Variants in RFC4 observed in about 807,000 individuals in gnomAD.
RFC4 encodes replication factor C subunit 4, also known as A1 37 kDa subunit.
RFC4 carries 38 observed loss-of-function variants against 47.6 expected under a neutral mutation model. That is an observed-to-expected ratio of 0.80 (90% CI 0.62 to 1.05). RFC4 has a LOEUF of 1.05. Ranked by LOEUF, RFC4 falls within the 50% of genes least tolerant of loss-of-function variation. The pLI, the probability that RFC4 is intolerant of heterozygous loss-of-function variation, is 0.00. For missense variants in RFC4, 489 were observed against 434.0 expected, an observed-to-expected ratio of 1.13 and a Z score of -1.13; for synonymous variants, 164 against 150.0, an observed-to-expected ratio of 1.09 and a Z score of -0.68.
rs3082241 is a variant in RFC4, at chr3:186,796,026, TAC to T, written c.291-1251_291-1250del. Among the ~76,000 whole-genome samples the T allele has an allele frequency of 0.048, 7,229 of 149,142 alleles. 196 individuals carry two copies. Among genetic ancestry groups the T allele is most frequent in the South Asian group, 0.083 (392 of 4,714 alleles). On this transcript the variant is annotated intron_variant, in intron 4 of 10. Transcript: ENST00000296273. The surrounding 1 kb of genome is among the most constrained non-coding windows in gnomAD (Gnocchi z 4.2). ...TTTTTGAAACTTCCCTCTAGTCTTTTACACACACACACACACACACACACACA... is the reference window on the plus strand; with the variant it reads ...TTTTTGAAACTTCCCTCTAGTCTTTTACACACACACACACACACACACACA...
intron 4 of RFC4, among the ~76,000 whole-genome samples, chr3:186,795,769 G>C (rs1457046071): frequency 6.6e-6 from 1 of 152,014 alleles, no homozygotes; most frequent in African/African-American, 2.4e-5. Context: ...CTCCAGCCTG[G>C]GCAATAGAGC....
chr3:186,805,032 C>T lies in RFC4; in HGVS notation c.-11-308G>A, dbSNP rs193089316. Among the ~76,000 whole-genome samples, 38 of 152,256 alleles carry T rather than the reference C, an allele frequency of 2.5e-4. 1 individual carries two copies. Among genetic ancestry groups the T allele is most frequent in the Non-Finnish European group, 4.9e-4 (33 of 68,018 alleles). On this transcript the variant is annotated intron_variant, in intron 1 of 10. Transcript: ENST00000296273. ...ATGTCACAAAAATGTTTAATGAGTT[C>T]CAAATGCATTGATAAATATGATGTT...
intron 2 of RFC4, among the ~76,000 whole-genome samples, chr3:186,802,023 CAAAAAAAA>C (rs34264551): frequency 4.3e-5 from 4 of 92,158 alleles, no homozygotes; most frequent in African/African-American, 8.5e-5. Context: ...AACTTTATCT[CAAAAAAAA>C]AAAAAAAAAA....
chr3:186,800,289 AAC>A (rs1244478422), intron 3 of RFC4, among the ~76,000 whole-genome samples: 1 of 152,220 alleles, frequency 6.6e-6, no homozygotes, highest in Non-Finnish European at 1.5e-5. Context: ...GTCAAATCAA[AAC>A]ACATACTGGT....
intron 8 of RFC4, among the ~76,000 whole-genome samples, chr3:186,790,758 T>C (rs1722097624): frequency 6.6e-6 from 1 of 152,220 alleles, no homozygotes; most frequent in African/African-American, 2.4e-5. Flanking sequence ...CTGATTTCTT[T>C]AAAGGGGAAG....
At chr3:186,800,328 T>C (rs550900187) in intron 3 of RFC4, among the ~76,000 whole-genome samples, 1 of 152,352 alleles carries the variant, frequency 6.6e-6, no homozygotes, top group South Asian at 2.1e-4. Context: ...AATAGTTTTA[T>C]AAATTTAACT....
Position 186,792,607 on chromosome 3 carries a change from T to C in RFC4, c.558A>G (p.Ile186Met), listed in dbSNP as rs766519605. 4 of 1,611,254 alleles carry C rather than the reference T, an allele frequency of 2.5e-6. 1 individual carries two copies. The South Asian group carries it at 4.4e-5, about 18-fold the overall frequency. ...AACATCTAGAGGTCAGGGGTTCAATTATTCTGTGGAAGATGAGAAAAACCA... is the reference window on the plus strand; with the variant it reads ...AACATCTAGAGGTCAGGGGTTCAATCATTCTGTGGAAGATGAGAAAAACCA... ...FCLICNYVSR[I>M]IEPLTSRCSK... The change falls in exon 7 of 11, where the codon ATA becomes ATG. Residue 186 changes from isoleucine (I) to methionine (M), a missense_variant. Around this residue, in one of 2 missense-constraint regions of RFC4, gnomAD observed 206 missense variants for 257.8 expected, o/e 0.80. Coordinates refer to ENST00000296273, the MANE Select transcript of RFC4 (RefSeq NM_002916.5).
At chr3:186,800,655 C>T (rs138432084) in intron 3 of RFC4, among the ~76,000 whole-genome samples, 84 of 152,268 alleles carry the variant, frequency 5.5e-4, no homozygotes, top group African/African-American at 2.0e-3. Flanking sequence ...GAATTCAAAG[C>T]TCGATTTTTT....
At chr3:186,798,581 G>A (rs1326951236) in intron 3 of RFC4, among the ~76,000 whole-genome samples, 1 of 151,958 alleles carries the variant, frequency 6.6e-6, no homozygotes, top group East Asian at 1.9e-4. Flanking sequence ...ATGGCCTAAA[G>A]GACTTCCATG....
At chr3:186,794,033 T>C (rs1722195388) in intron 5 of RFC4, among the ~76,000 whole-genome samples, 1 of 152,214 alleles carries the variant, frequency 6.6e-6, no homozygotes, top group Admixed American at 6.5e-5. Context: ...TTGCCCATTT[T>C]TTAATTGGGT....
rs1202677907 is a variant in RFC4 at position 186,801,189 on chromosome 3, T to C, written c.138A>G (p.Pro46=). The C allele has an allele frequency of 3.7e-6, 6 of 1,613,962 alleles. No individual in the cohort carries two copies. Among genetic ancestry groups the C allele is most frequent in the Non-Finnish European group, 5.1e-6 (6 of 1,179,936 alleles). Residue 46 remains proline (P), a synonymous_variant, in exon 3 of 11, where the codon CCA becomes CCG. Transcript: ENST00000296273. ...KPVPWVEKYR[P]KCVDEVAFQE... ...GGAAAGCAACTTCATCCACACATTT[T>C]GGGCGACTTGCGGGGTGAGAAGGAG...
At chr3:186,802,685 A>G (rs1412861089) in intron 2 of RFC4, among the ~76,000 whole-genome samples, 2 of 152,148 alleles carry the variant, frequency 1.3e-5, no homozygotes, top group Admixed American at 6.5e-5. Context: ...AAGTTCTTTG[A>G]TCCATACTTT....
intron 2 of RFC4, among the ~76,000 whole-genome samples, chr3:186,803,172 G>T (rs1371846415): frequency 1.3e-5 from 2 of 152,040 alleles, no homozygotes; most frequent in Admixed American, 6.6e-5. Flanking sequence ...ATGAAACCTT[G>T]TCTCTATTAA....
intron 4 of RFC4, among the ~76,000 whole-genome samples, chr3:186,795,343 T>G (rs189640500): frequency 6.6e-6 from 1 of 152,370 alleles, no homozygotes; most frequent in Non-Finnish European, 1.5e-5. Context: ...AATAAGTATC[T>G]TGGCATATTA....
At chr3:186,791,544 A>G (rs1722135922) in intron 8 of RFC4, 181 bp downstream of exon 8, 1 of 640,498 alleles carries the variant, frequency 1.6e-6, no homozygotes, top group Admixed American at 2.5e-5. Flanking sequence ...CATGCCTGAC[A>G]AACTGAAAAG....
chr3:186,800,975 A>ATCATTGT (rs1477194528), intron 3 of RFC4, 142 bp downstream of exon 3: 1 of 613,872 alleles, frequency 1.6e-6, no homozygotes, highest in Non-Finnish European at 2.9e-6. Flanking sequence ...TGAACTAATT[A>ATCATTGT]TCATTGTACA....
intron 10 of RFC4, 26 bp downstream of exon 10, chr3:186,790,116 T>A: frequency 6.2e-7 from 1 of 1,604,446 alleles, no homozygotes; most frequent in Non-Finnish European, 8.5e-7. Context: ...AAATGTTCCA[T>A]TGACATGTGC....
At position 186,794,718 on chromosome 3, in the gene RFC4, T is replaced by A; in HGVS notation, c.350A>T (p.Gln117Leu). The change falls in exon 5 of 11, where the codon CAA becomes CTA. Residue 117 changes from glutamine (Q) to leucine (L), a missense_variant. Around this residue, in one of 2 missense-constraint regions of RFC4, gnomAD observed 206 missense variants for 257.8 expected, o/e 0.80. Coordinates refer to ENST00000296273, the MANE Select transcript of RFC4 (RefSeq NM_002916.5). ...ELNASDERGIQVVREKVKNFA... is the reference protein window; with the variant it reads ...ELNASDERGILVVREKVKNFA... ...ATTTTTCACTTTCTCTCGAACTACT[T>A]GTATTCCACGTTCATCAGATGCATT... 1.9e-6 allele frequency: 3 copies of A among 1,614,090 alleles called. No individual in the cohort carries two copies. The highest frequency in any genetic ancestry group is 2.2e-5 in the East Asian group (1 of 44,870).
At chr3:186,791,937 AC>A in intron 7 of RFC4, 87 bp from the exon 8 acceptor site, 1 of 1,222,890 alleles carries the variant, frequency 8.2e-7, no homozygotes. Flanking sequence ...AAAGTGAAAA[AC>A]CCTGTTTTAG....
Sources: allele counts gnomAD v4.1 joint callset (sites outside exome capture counted in the v4.1 genomes callset), GRCh38; gene constraint gnomAD v4.1.1; regional missense constraint gnomAD v4.1.1; non-coding constraint Gnocchi (gnomAD v3.1); transcripts MANE v1.5; gene names NCBI Gene and HGNC (gene_info 2026-07-23, HGNC 2026-07-21).